The following MGAT4C variants were observed in gnomAD, a reference collection of about 807,000 sequenced individuals.
MGAT4C encodes alpha-1,3-mannosyl-glycoprotein 4-beta-N-acetylglucosaminyltransferase C.
A neutral mutation model predicts 40.1 loss-of-function variants in MGAT4C; 19 were observed. That is an observed-to-expected ratio of 0.47 (90% CI 0.33 to 0.70). MGAT4C has a LOEUF of 0.70. Ranked by LOEUF, MGAT4C falls within the 30% of genes least tolerant of loss-of-function variation. MGAT4C has a pLI of 0.02. For missense variants in MGAT4C, 491 were observed against 563.2 expected, an observed-to-expected ratio of 0.87 and a Z score of 1.30; for synonymous variants, 181 against 187.1, an observed-to-expected ratio of 0.97 and a Z score of 0.27.
chr12:86,631,362 T>A (rs545641357), intron 2 of MGAT4C, among the ~76,000 whole-genome samples: 1 of 152,140 alleles, frequency 6.6e-6, no homozygotes, highest in South Asian at 2.1e-4. Flanking sequence ...GCCATCCCCA[T>A]GAAGCTACCA....
intron 1 of MGAT4C, among the ~76,000 whole-genome samples, chr12:86,203,174 T>A (rs1272905862): frequency 6.6e-6 from 1 of 152,138 alleles, no homozygotes; most frequent in East Asian, 1.9e-4. Context: ...CCCTAACAGA[T>A]CTTCTGTATT....
intron 1 of MGAT4C, among the ~76,000 whole-genome samples, chr12:86,140,105 C>A (rs1322722072): frequency 2.0e-5 from 3 of 151,800 alleles, no homozygotes; most frequent in Admixed American, 1.3e-4. Flanking sequence ...TTTTTTCTGC[C>A]CCAAGGCCTT....
At position 86,138,551 on chromosome 12, in the gene MGAT4C, A is replaced by G. The variant is rs191057365; in HGVS notation, c.-56-88828T>C. ...ATCATGTATATATTTCCATAGATAT[A>G]TCATGTATATATTTCCATAGATATA... is the stretch of plus-strand genomic sequence containing the variant. On this transcript the variant is annotated intron_variant, in intron 1 of 4. Transcript: ENST00000611864. Among the ~76,000 whole-genome samples, 121 of 147,886 alleles carry G rather than the reference A, an allele frequency of 8.2e-4. 1 individual carries two copies. The highest frequency in any genetic ancestry group is 2.8e-3 in the African/African-American group (115 of 40,784).
chr12:86,703,709 A>G (rs1040593020), intron 2 of MGAT4C, among the ~76,000 whole-genome samples: 1 of 152,126 alleles, frequency 6.6e-6, no homozygotes, highest in African/African-American at 2.4e-5. Context: ...TGTGATATTC[A>G]CTTTATTGTT....
At chr12:86,030,195 G>A (rs1297463325) in intron 2 of MGAT4C, among the ~76,000 whole-genome samples, 1 of 151,684 alleles carries the variant, frequency 6.6e-6, no homozygotes, top group African/African-American at 2.4e-5. Context: ...TTAAGTGACA[G>A]AATAAAATTT....
At chr12:86,656,835 T>C (rs1387805630) in intron 2 of MGAT4C, among the ~76,000 whole-genome samples, 1 of 152,096 alleles carries the variant, frequency 6.6e-6, no homozygotes, top group Non-Finnish European at 1.5e-5. Context: ...TCTAATTAAT[T>C]GACTTCCTCA....
In MGAT4C at chr12:86,574,321, T is replaced by A. The variant is rs1254279890; in HGVS notation, c.-228-139056A>T. Among the ~76,000 whole-genome samples the A allele has an allele frequency of 2.0e-5, 3 of 151,790 alleles. No individual in the cohort carries two copies. The Admixed American group carries it at 2.0e-4, about 10-fold the overall frequency. ...AGTGAAAACTTCAAGTTCATCACTT[T>A]CCATATTAAGATGAAATATTTATAT... On this transcript the variant is annotated intron_variant, in intron 2 of 7. Transcript: ENST00000548651.
intron 1 of MGAT4C, among the ~76,000 whole-genome samples, chr12:86,094,443 T>G (rs1873511484): frequency 6.6e-6 from 1 of 152,190 alleles, no homozygotes; most frequent in Non-Finnish European, 1.5e-5. Context: ...CATGTATATG[T>G]TATAATAATA....
chr12:86,170,308 G>C (rs933739100), intron 1 of MGAT4C, among the ~76,000 whole-genome samples: 3 of 152,148 alleles, frequency 2.0e-5, no homozygotes, highest in African/African-American at 7.2e-5. Flanking sequence ...GCTCAAAAAT[G>C]TTCCTCTCAC....
chr12:86,004,487 C>T (rs1205634942), intron 2 of MGAT4C, among the ~76,000 whole-genome samples: 2 of 152,086 alleles, frequency 1.3e-5, no homozygotes, highest in Non-Finnish European at 2.9e-5. Context: ...TCTGATTCTT[C>T]TCTGAAAATA....
At chr12:86,520,380 G>C (rs1031600448) in intron 2 of MGAT4C, among the ~76,000 whole-genome samples, 3 of 152,128 alleles carry the variant, frequency 2.0e-5, no homozygotes, top group African/African-American at 7.2e-5. Flanking sequence ...CTCCATCCAT[G>C]TTCTTGCAAA....
chr12:86,437,579 A>C (rs1485932578), intron 2 of MGAT4C, among the ~76,000 whole-genome samples: 2 of 151,876 alleles, frequency 1.3e-5, no homozygotes, highest in Admixed American at 1.3e-4. Context: ...GTTTTATTGC[A>C]ATTTGCTTTA....
At chr12:86,546,300 C>T (rs1308593181) in intron 2 of MGAT4C, among the ~76,000 whole-genome samples, 1 of 151,544 alleles carries the variant, frequency 6.6e-6, no homozygotes. Flanking sequence ...CTATTTATTA[C>T]TGCATTCAAA....
chr12:86,066,621 T>C (rs569331050), intron 1 of MGAT4C, among the ~76,000 whole-genome samples: 19 of 152,200 alleles, frequency 1.2e-4, no homozygotes, highest in Non-Finnish European at 2.8e-4. Context: ...GAAGAAAACC[T>C]AGGCAATACC....
intron 1 of MGAT4C, among the ~76,000 whole-genome samples, chr12:86,824,824 A>AATCTTGG (rs1952775507): frequency 6.7e-6 from 1 of 150,100 alleles, no homozygotes; most frequent in Non-Finnish European, 1.5e-5. Flanking sequence ...GGAAAAAGCC[A>AATCTTGG]ATCTTGGAAT....
chr12:86,594,136 C>A (rs770453291), intron 2 of MGAT4C, among the ~76,000 whole-genome samples: 17 of 152,080 alleles, frequency 1.1e-4, no homozygotes, highest in Non-Finnish European at 2.4e-4. Flanking sequence ...AACGGTGCTT[C>A]CACTATTGAA....
At chr12:86,663,394 A>G (rs1964027416) in intron 2 of MGAT4C, among the ~76,000 whole-genome samples, 1 of 151,418 alleles carries the variant, frequency 6.6e-6, no homozygotes, top group East Asian at 1.9e-4. Context: ...AAAGAAAGAA[A>G]CCAAAAGAAA....
At chr12:86,550,179 G>A (rs1048528561) in intron 2 of MGAT4C, among the ~76,000 whole-genome samples, 1 of 152,126 alleles carries the variant, frequency 6.6e-6, no homozygotes. Flanking sequence ...CTTCTGCCAT[G>A]ATCGTAAGTT....
chr12:86,244,798 C>A (rs1342191643), intron 1 of MGAT4C, among the ~76,000 whole-genome samples: 2 of 152,176 alleles, frequency 1.3e-5, no homozygotes, highest in Non-Finnish European at 2.9e-5. Flanking sequence ...TAGCAGAGTT[C>A]TTCAAACAGA....
Sources: gnomAD v4.1 joint callset for allele counts (sites outside exome capture counted in the v4.1 genomes callset) on GRCh38, gnomAD v4.1.1 for gene constraint, MANE v1.5 for transcripts, NCBI Gene and HGNC (gene_info 2026-07-23, HGNC 2026-07-21) for gene names.